SPTAN1: variants seen among roughly 807,000 people sequenced by gnomAD.
SPTAN1 encodes the protein spectrin alpha chain, non-erythrocytic 1.
In SPTAN1, 61 loss-of-function variants were observed where a neutral mutation model predicts 331.3. The observed-to-expected ratio is 0.18, with a 90% confidence interval of 0.15 to 0.23. The LOEUF is 0.23. SPTAN1 is among the 10% of genes least tolerant of loss of function. The pLI, the probability that SPTAN1 is intolerant of heterozygous loss-of-function variation, is 1.00. For synonymous variants in SPTAN1, 1,153 were observed against 1,173.9 expected, an observed-to-expected ratio of 0.98 and a Z score of 0.36; for missense variants, 2,043 against 3,147.9, an observed-to-expected ratio of 0.65 and a Z score of 8.40.
intron 19 of SPTAN1, among the ~76,000 whole-genome samples, chr9:128,586,913 G>A (rs1302073793): frequency 6.6e-6 from 1 of 151,972 alleles, no homozygotes; most frequent in Non-Finnish European, 1.5e-5. Flanking sequence ...CACCTCCTGG[G>A]TTCAAGCGAT....
Position 128,577,156 on chromosome 9 carries a change from T to C in SPTAN1, c.813T>C (p.Ile271=), listed in dbSNP as rs1446860631. The C allele has an allele frequency of 6.2e-7, 1 of 1,614,018 alleles. No homozygotes were observed. The highest frequency in any genetic ancestry group is 8.5e-7 in the Non-Finnish European group (1 of 1,180,012). The change falls in exon 7 of 57, where the codon ATT becomes ATC. Residue 271 remains isoleucine, a synonymous_variant. Coordinates refer to ENST00000372739, the MANE Select transcript of SPTAN1 (RefSeq NM_001130438.3). This position sits in a 1 kb window ranked among gnomAD's most constrained non-coding sequence, Gnocchi z 4.2. ...NRDVDETISW[I]KEKEQLMASD... Reference sequence around the variant, plus strand: ...ATGTGGATGAGACTATCAGTTGGATTAAGGAAAAGGAGCAGTTAATGGCCT... The same window carrying C: ...ATGTGGATGAGACTATCAGTTGGATCAAGGAAAAGGAGCAGTTAATGGCCT...
chr9:128,605,011 A>T lies in SPTAN1; in HGVS notation c.3720-23A>T, dbSNP rs781612682. 3 of 1,613,838 alleles carry T rather than the reference A, an allele frequency of 1.9e-6. No individual in the cohort carries two copies. The South Asian group carries it at 3.3e-5, about 18-fold the overall frequency. On this transcript the variant is annotated intron_variant, in intron 29 of 56. Coordinates refer to ENST00000372739, the MANE Select transcript of SPTAN1 (RefSeq NM_001130438.3). ...AGGCAGTTGTACTTGGCATTTCTTA[A>T]CCTGAATGTGTCTCGCCTTTAGAGA... is the stretch of plus-strand genomic sequence containing the variant.
Position 128,629,960 on chromosome 9 carries a change from G to A in SPTAN1, c.6708-361G>A, listed in dbSNP as rs1859424239. ...GAGGTCTCCTGTCTGTCAGGTGTCA[G>A]GGTGTGCCATCCCCCACATGGCTGC... On this transcript the variant is annotated intron_variant, in intron 51 of 56. Coordinates refer to ENST00000372739, the MANE Select transcript of SPTAN1 (RefSeq NM_001130438.3). This position sits in a 1 kb window ranked among gnomAD's most constrained non-coding sequence, Gnocchi z 4.9. 1 of 386,888 alleles carries A rather than the reference G, an allele frequency of 2.6e-6. No homozygotes were observed. 24.0% of individuals were successfully genotyped at this position (386,888 alleles called of 1,614,324 possible).
rs1321697027 is a variant in SPTAN1 at position 128,583,296 on chromosome 9, A to G, written c.2011+15A>G. 9 of 1,612,568 alleles carry G rather than the reference A, an allele frequency of 5.6e-6. No homozygotes were observed. The highest frequency in any genetic ancestry group is 1.3e-5 in the African/African-American group (1 of 74,932). On this transcript the variant is annotated intron_variant, in intron 15 of 56. Coordinates refer to ENST00000372739, the MANE Select transcript of SPTAN1 (RefSeq NM_001130438.3). Reference sequence around the variant, plus strand: ...TGAACTGAAAGGTAAGAGATGTTCCATTGAATTGTGACATGCATGTTTGGG... The same window carrying G: ...TGAACTGAAAGGTAAGAGATGTTCCGTTGAATTGTGACATGCATGTTTGGG...
chr9:128,624,541 C>T (rs1858441554), intron 46 of SPTAN1, 54 bp downstream of exon 46: 5 of 1,596,380 alleles, frequency 3.1e-6, no homozygotes, highest in Non-Finnish European at 4.3e-6. Context: ...CTCTTTGTCT[C>T]CTTCCGTGTC....
chr9:128,571,524 G>A (rs1850730212), intron 3 of SPTAN1, among the ~76,000 whole-genome samples: 3 of 152,204 alleles, frequency 2.0e-5, no homozygotes, highest in Admixed American at 2.0e-4. Flanking sequence ...GGCGGAGGTT[G>A]AAGTGAGCCG....
At chr9:128,600,826 C>A (rs1225856627) in intron 27 of SPTAN1, among the ~76,000 whole-genome samples, 1 of 151,444 alleles carries the variant, frequency 6.6e-6, no homozygotes, top group Admixed American at 6.6e-5. Context: ...CCATGCCTGG[C>A]AAATTTTTGT....
At chr9:128,564,516 G>A (rs73618495) in intron 1 of SPTAN1, among the ~76,000 whole-genome samples, 4,691 of 152,050 alleles carry the variant, frequency 0.031, 221 homozygotes, top group African/African-American at 0.11. Context: ...CAGGGAGGTC[G>A]AGGTTGCAGT....
chr9:128,631,000 C>T (rs1362362051), intron 52 of SPTAN1, among the ~76,000 whole-genome samples: 1 of 152,190 alleles, frequency 6.6e-6, no homozygotes, highest in African/African-American at 2.4e-5. Flanking sequence ...TGAGCCACCA[C>T]ATCTGGCCTA....
At chr9:128,558,276 T>C (rs186978001) in intron 1 of SPTAN1, among the ~76,000 whole-genome samples, 24 of 152,378 alleles carry the variant, frequency 1.6e-4, no homozygotes, top group Admixed American at 1.6e-3. Context: ...ACTTGCTGAA[T>C]GATGCAGCTA....
intron 33 of SPTAN1, 30 bp from the exon 34 acceptor site, chr9:128,608,100 A>C (rs756859299): frequency 5.5e-5 from 88 of 1,613,908 alleles, no homozygotes; most frequent in Non-Finnish European, 7.3e-5. Context: ...GAAGGGCCTC[A>C]TTTTCTCACC....
At chr9:128,605,622 T>G (rs1855730744) in intron 31 of SPTAN1, 145 bp downstream of exon 31, 1 of 1,025,862 alleles carries the variant, frequency 9.7e-7, no homozygotes, top group East Asian at 2.6e-5. Flanking sequence ...GGCAAGCGAA[T>G]TGCTTGAACT....
At chr9:128,574,981 ATT>A (rs1851147823) in intron 4 of SPTAN1, among the ~76,000 whole-genome samples, 166 bp downstream of exon 4, 1 of 145,128 alleles carries the variant, frequency 6.9e-6, no homozygotes, top group African/African-American at 2.4e-5. Flanking sequence ...TGTATGTGCT[ATT>A]CTGTAACTCT....
rs766361565 is a variant in SPTAN1, at chr9:128,583,752, T to G, written c.2012-36T>G. 3.7e-6 allele frequency: 6 copies of G among 1,612,358 alleles called. No individual in the cohort carries two copies. The Admixed American group carries it at 5.0e-5, about 13-fold the overall frequency. On this transcript the variant is annotated intron_variant, in intron 15 of 56. Transcript: ENST00000372739. The stretch of plus-strand genomic sequence containing the variant: ...GGCAGTGTTGGCAGAAGGGTAATGC[T>G]AAGCAGTACAAAATTAAACTTGTTT...
intron 27 of SPTAN1, among the ~76,000 whole-genome samples, chr9:128,602,534 A>G (rs760387334): frequency 4.0e-5 from 6 of 149,974 alleles, no homozygotes; most frequent in Non-Finnish European, 7.4e-5. Flanking sequence ...CTTTACTCAA[A>G]GGGTTGTGAG....
Position 128,627,317 on chromosome 9 carries a change from C to T in SPTAN1, c.6577-69C>T, listed in dbSNP as rs1313014369. The T allele has an allele frequency of 5.8e-5, 82 of 1,407,442 alleles. No individual in the cohort carries two copies. Among genetic ancestry groups the T allele is most frequent in the Non-Finnish European group, 7.7e-5 (78 of 1,018,934 alleles). 87.2% of individuals were successfully genotyped at this position (1,407,442 alleles called of 1,614,324 possible). On this transcript the variant is annotated intron_variant, in intron 49 of 56. Transcript: ENST00000372739. The surrounding 1 kb of genome is among the most constrained non-coding windows in gnomAD (Gnocchi z 4.9). ...GGGGAGGCCACCACCACCCTGAGCC[C>T]ATCTGTGAAGGAGGGGCTGGTGTCA...
At chr9:128,613,558 G>A (rs1369408733) in intron 40 of SPTAN1, 73 bp downstream of exon 40, 6 of 1,283,518 alleles carry the variant, frequency 4.7e-6, no homozygotes, top group Non-Finnish European at 5.7e-6. Flanking sequence ...GAAAACAAGC[G>A]TGTTTGAGAA....
intron 21 of SPTAN1, among the ~76,000 whole-genome samples, chr9:128,590,592 C>T (rs2131301465): frequency 6.7e-6 from 1 of 149,376 alleles, no homozygotes; most frequent in African/African-American, 2.5e-5. Flanking sequence ...TGGTTCACGC[C>T]TATAATATCA....
At chr9:128,623,276 T>G (rs563125604) in intron 45 of SPTAN1, among the ~76,000 whole-genome samples, 84 of 151,902 alleles carry the variant, frequency 5.5e-4, no homozygotes, top group African/African-American at 2.0e-3. Context: ...CACTATGTTA[T>G]GTTGCCCAGG....
Sources: allele counts gnomAD v4.1 joint callset (sites outside exome capture counted in the v4.1 genomes callset), GRCh38; gene constraint gnomAD v4.1.1; non-coding constraint Gnocchi (gnomAD v3.1); transcripts MANE v1.5; gene names NCBI Gene and HGNC (gene_info 2026-07-23, HGNC 2026-07-21).